Variants in RBFOX1 observed in about 807,000 individuals in gnomAD.
RBFOX1 encodes RNA binding fox-1 homolog 1.
In RBFOX1, 8 loss-of-function variants were observed where a neutral mutation model predicts 57.7. The observed-to-expected ratio is 0.14, with a 90% CI of 0.08 to 0.25. The LOEUF (loss-of-function observed/expected upper bound fraction) is 0.25, where lower values mean the gene tolerates loss of function less well. Among genes scored for constraint, RBFOX1 ranks in the 10% least tolerant of loss-of-function variants. RBFOX1 has a pLI of 1.00. For missense variants in RBFOX1, 611 were observed against 548.5 expected (o/e 1.11, Z -1.14); for synonymous variants, 326 against 222.4 (o/e 1.47, Z -4.15).
chr16:6,658,784 C>A (rs1030514653), intron 3 of RBFOX1, among the ~76,000 whole-genome samples: 1 of 152,012 alleles, frequency 6.6e-6, no homozygotes, highest in Non-Finnish European at 1.5e-5. Context: ...TAGCAGAGCC[C>A]CTATGAATGT....
At chr16:6,411,023 A>C (rs945112622) in intron 2 of RBFOX1, among the ~76,000 whole-genome samples, 3 of 152,236 alleles carry the variant, frequency 2.0e-5, no homozygotes, top group African/African-American at 7.2e-5. Context: ...TCATTTAGAC[A>C]GAAGAGGAAA....
chr16:5,893,476 C>A (rs1252038960), intron 4 of RBFOX1, among the ~76,000 whole-genome samples: 1 of 152,142 alleles, frequency 6.6e-6, no homozygotes, highest in Non-Finnish European at 1.5e-5. Context: ...CCCCATTTAA[C>A]CTGATGTGAT....
chr16:6,501,725 C>A (rs2095936898), intron 2 of RBFOX1, among the ~76,000 whole-genome samples: 2 of 152,244 alleles, frequency 1.3e-5, no homozygotes, highest in East Asian at 1.9e-4. Flanking sequence ...CTGACCTGTA[C>A]TGGGCGCTGT....
intron 3 of RBFOX1, among the ~76,000 whole-genome samples, chr16:6,657,761 A>T (rs1257827017): frequency 6.6e-6 from 1 of 152,156 alleles, no homozygotes; most frequent in Non-Finnish European, 1.5e-5. Flanking sequence ...CTCTTGGCCT[A>T]TGTGGATTTT....
At chr16:5,391,201 A>T (rs906307765) in intron 1 of RBFOX1, among the ~76,000 whole-genome samples, 1 of 152,224 alleles carries the variant, frequency 6.6e-6, no homozygotes, top group Non-Finnish European at 1.5e-5. Flanking sequence ...CAGCTGTAAA[A>T]TATCACCCAA....
At chr16:5,618,528 G>C (rs2048114437) in intron 3 of RBFOX1, among the ~76,000 whole-genome samples, 1 of 152,074 alleles carries the variant, frequency 6.6e-6, no homozygotes, top group Admixed American at 6.5e-5. Flanking sequence ...TAGTAGAGTT[G>C]GGGTTTCACC....
intron 3 of RBFOX1, among the ~76,000 whole-genome samples, chr16:6,810,258 C>T (rs1446888034): frequency 6.6e-6 from 1 of 152,070 alleles, no homozygotes; most frequent in African/African-American, 2.4e-5. Context: ...TCACTTTTTA[C>T]CACATTTTGT....
intron 4 of RBFOX1, among the ~76,000 whole-genome samples, chr16:5,965,482 A>C (rs7196187): frequency 6.6e-6 from 1 of 151,964 alleles, no homozygotes; most frequent in African/African-American, 2.4e-5. Context: ...ATCAAGCTGT[A>C]AGTGGCATGC....
chr16:7,518,448 A>C, intron 5 of RBFOX1, 59 bp downstream of exon 5: 1 of 1,545,776 alleles, frequency 6.5e-7, no homozygotes, highest in South Asian at 1.2e-5. Context: ...CAGCCCTGGT[A>C]ATGGCAGCGG....
intron 4 of RBFOX1, among the ~76,000 whole-genome samples, chr16:7,146,649 A>G (rs1282433053): frequency 6.6e-6 from 1 of 152,084 alleles, no homozygotes; most frequent in Non-Finnish European, 1.5e-5. Flanking sequence ...CCAGCAGATA[A>G]CGTAAAAATA....
chr16:7,597,442 A>T lies in RBFOX1; in HGVS notation c.622+11A>T, dbSNP rs887302027. 1.2e-5 allele frequency: 19 copies of T among 1,590,248 alleles called. No individual in the cohort carries two copies. Among genetic ancestry groups the T allele is most frequent in the Non-Finnish European group, 1.5e-5 (18 of 1,163,220 alleles). Reference sequence around the variant, plus strand: ...ACCCTTATACAAATGGTAAGTAGAGATTGGCCTTTTACAAGAAATTCTCTC... The same window carrying T: ...ACCCTTATACAAATGGTAAGTAGAGTTTGGCCTTTTACAAGAAATTCTCTC... On this transcript the variant is annotated intron_variant, in intron 9 of 15. Coordinates refer to ENST00000550418, the MANE Select transcript of RBFOX1 (RefSeq NM_018723.4).
chr16:6,785,650 T>A lies in RBFOX1; in HGVS notation c.-16+131000T>A, dbSNP rs374626136. ...ATAACCATCAGAAACACTTACCTAA[T>A]ATTTATTTCCACGTTCCATGTACCA... is the stretch of plus-strand genomic sequence containing the variant. On this transcript the variant is annotated intron_variant, in intron 3 of 15. Transcript: ENST00000550418. 1.1e-4 allele frequency among the ~76,000 whole-genome samples: 16 copies of A among 152,326 alleles called. 1 individual carries two copies. In the East Asian group the frequency reaches 2.5e-3, roughly 24 times the overall value.
intron 3 of RBFOX1, among the ~76,000 whole-genome samples, chr16:7,034,848 C>CTTTTTTTTTTTTTTTTTT (rs58405378): frequency 1.8e-3 from 57 of 30,822 alleles, no homozygotes; most frequent in Non-Finnish European, 2.2e-3. Flanking sequence ...TTTCTTTTTT[C>CTTTTTTTTTTTTTTTTTT]TTTTTTTTTT....
chr16:5,312,804 C>T (rs766870936), intron 1 of RBFOX1, among the ~76,000 whole-genome samples: 5 of 152,166 alleles, frequency 3.3e-5, no homozygotes, highest in Non-Finnish European at 5.9e-5. Context: ...TGTGAAGCTT[C>T]GTAAGATCCT....
At chr16:6,196,077 A>G (rs758740196) in intron 1 of RBFOX1, among the ~76,000 whole-genome samples, 13 of 152,214 alleles carry the variant, frequency 8.5e-5, no homozygotes, top group Non-Finnish European at 1.5e-4. Context: ...TATGCTTACT[A>G]TGGGCCTGGT....
intron 3 of RBFOX1, among the ~76,000 whole-genome samples, chr16:5,735,888 A>AAACAAC (rs536560221): frequency 6.6e-6 from 1 of 151,938 alleles, no homozygotes; most frequent in Non-Finnish European, 1.5e-5. Flanking sequence ...AAAACAAATA[A>AAACAAC]AACAACAACA....
chr16:6,331,793 T>C (rs1245019752), intron 2 of RBFOX1, among the ~76,000 whole-genome samples: 3 of 152,070 alleles, frequency 2.0e-5, no homozygotes, highest in Non-Finnish European at 4.4e-5. Context: ...TTGTATTTAT[T>C]TGTGTATTGC....
chr16:5,369,896 C>T (rs887161326), intron 1 of RBFOX1, among the ~76,000 whole-genome samples: 1 of 152,050 alleles, frequency 6.6e-6, no homozygotes, highest in African/African-American at 2.4e-5. Context: ...ATTACTTTTG[C>T]ACCAACCTAT....
chr16:6,180,243 C>A (rs1243919872), intron 1 of RBFOX1, among the ~76,000 whole-genome samples: 2 of 151,960 alleles, frequency 1.3e-5, no homozygotes, highest in African/African-American at 2.4e-5. Context: ...AGTAGAGGCA[C>A]TGGGGTCTGG....
Sources: allele counts gnomAD v4.1 joint callset (sites outside exome capture counted in the v4.1 genomes callset), GRCh38; gene constraint gnomAD v4.1.1; transcripts MANE v1.5; gene names NCBI Gene and HGNC (gene_info 2026-07-23, HGNC 2026-07-21).